Variants in ZFHX2 observed in about 807,000 individuals in gnomAD.
The protein encoded by ZFHX2 is zinc finger homeobox protein 2.
In ZFHX2, 75 loss-of-function variants were observed where a neutral mutation model predicts 164.8. That is an observed-to-expected ratio of 0.46 (90% confidence interval 0.38 to 0.55). The LOEUF (loss-of-function observed/expected upper bound fraction) is 0.55, where lower values mean the gene tolerates loss of function less well. Ranked by LOEUF, ZFHX2 falls within the 20% of genes least tolerant of loss-of-function variation. ZFHX2 has a pLI of 0.00. For missense variants in ZFHX2, 2,933 were observed against 3,308.0 expected (o/e 0.89, Z 2.78); for synonymous variants, 1,217 against 1,351.4 (o/e 0.90, Z 2.18).
intron 6 of ZFHX2, chr14:23,528,635 G>T (rs1879101503): frequency 2.0e-6 from 2 of 985,404 alleles, no homozygotes; most frequent in Non-Finnish European, 2.4e-6. Flanking sequence ...CTACCTGTCT[G>T]CTCAGAAGCC....
chr14:23,547,805 T>C lies in ZFHX2; in HGVS notation c.-50+3538A>G, dbSNP rs576472444. On this transcript the variant is annotated intron_variant, in intron 1 of 9. Transcript: ENST00000419474. ...TAATTCAACGTTTGATCAGTAGATA[T>C]TTATTAAGCCTTTTCTGTGTGACAG... Among the ~76,000 whole-genome samples the C allele has an allele frequency of 9.2e-5, 14 of 152,322 alleles. No individual in the cohort carries two copies. The South Asian group carries it at 2.7e-3, about 29-fold the overall frequency.
intron 1 of ZFHX2, among the ~76,000 whole-genome samples, chr14:23,541,900 A>G (rs1188539074): frequency 6.6e-6 from 1 of 152,128 alleles, no homozygotes; most frequent in Non-Finnish European, 1.5e-5. Flanking sequence ...AATTCTACCT[A>G]TCTCTTCTAG....
intron 1 of ZFHX2, among the ~76,000 whole-genome samples, chr14:23,538,898 A>G (rs1341997717): frequency 6.6e-6 from 1 of 152,176 alleles, no homozygotes; most frequent in Non-Finnish European, 1.5e-5. Context: ...GGGGCGCCAC[A>G]GACGGCAGAA....
Position 23,522,769 on chromosome 14 carries a change from G to C in ZFHX2, c.6912C>G (p.Pro2304=). 6.5e-7 allele frequency: 1 copy of C among 1,536,460 alleles called. No individual in the cohort carries two copies. ...GCTCACTGGAGACCTTGTCCCCCAA[G>C]GGCTCAGTAGGAGGGCCTGGGACAG... ...TDPVPGPPTE[P]LGDKVSSERK... is the part of the protein sequence containing the mutation. Residue 2304 remains proline (P), a synonymous_variant, in exon 10 of 10, where the codon CCC becomes CCG. Coordinates refer to ENST00000419474, the MANE Select transcript of ZFHX2 (RefSeq NM_033400.3).
intron 8 of ZFHX2, 46 bp downstream of exon 8, chr14:23,526,801 G>A (rs762771026): frequency 1.3e-6 from 2 of 1,523,682 alleles, no homozygotes; most frequent in South Asian, 2.4e-5. Context: ...GGCCCATGGA[G>A]TCCCCTTTCC....
At chr14:23,548,728 C>T (rs1881645505) in intron 1 of ZFHX2, among the ~76,000 whole-genome samples, 2 of 152,198 alleles carry the variant, frequency 1.3e-5, no homozygotes, top group South Asian at 4.1e-4. Context: ...GGTTCTCTCT[C>T]TCTCTGTCTC....
upstream of ZFHX2, chr14:23,555,693 C>T (rs1043352871): frequency 6.6e-6 from 1 of 151,106 alleles, no homozygotes; most frequent in African/African-American, 2.4e-5. Context: ...TCCCCCCACC[C>T]CAACCCCCCT....
At position 23,522,810 on chromosome 14, in the gene ZFHX2, C is replaced by CT; in HGVS notation, c.6870dup (p.Ala2291SerfsTer5). The CT allele has an allele frequency of 6.5e-7, 1 of 1,535,982 alleles. No individual in the cohort carries two copies. The highest frequency in any genetic ancestry group is 8.7e-7 in the Non-Finnish European group (1 of 1,146,676). ...CCTGGGACAGGGTCAGTGGTGCCTG[C>CT]TGTGGAGGTGTTGGTTTGGTCGGGC... On this transcript the variant is annotated frameshift_variant, in exon 10 of 10. Coordinates refer to ENST00000419474, the MANE Select transcript of ZFHX2 (RefSeq NM_033400.3). LOFTEE classifies it high-confidence loss of function.
rs748567889 is a variant in ZFHX2 at position 23,534,352 on chromosome 14, G to A, written c.974C>T (p.Pro325Leu). 6 of 1,536,664 alleles carry A rather than the reference G, an allele frequency of 3.9e-6. No individual in the cohort carries two copies. In the South Asian group the frequency reaches 5.9e-5, roughly 15 times the overall value. Residue 325 changes from proline (P) to leucine (L), a missense_variant, in exon 2 of 10, where the codon CCC (proline) becomes CTC (leucine). Pro to Leu is a moderately conservative substitution (Grantham distance 98). Transcript: ENST00000419474. This position sits in a 1 kb window ranked among gnomAD's most constrained non-coding sequence, Gnocchi z 4.5. ...AAGGGCCTGGACTTCTGCCTCAGGG[G>A]GGCCATCCTCTGTCTGGGCCACATT... ...EANVAQTEDGPPEAEVQALIL... is the reference protein window; with the variant it reads ...EANVAQTEDGLPEAEVQALIL...
At chr14:23,530,309 C>T in intron 4 of ZFHX2, 115 bp from the exon 5 acceptor site, 2 of 807,784 alleles carry the variant, frequency 2.5e-6, no homozygotes, top group South Asian at 1.5e-5. Flanking sequence ...ATGGATGGCT[C>T]AATCAGCAGG....
Position 23,534,270 on chromosome 14 carries a change from G to T in ZFHX2, c.1056C>A (p.Thr352=). ...TGGCTTGGGTTGGGCTGGGGTCCCA[G>T]GTGGCTGTGGGTGGAGAGGGTGGGC... ...ALSPPSPPTA[T]WDPSPTQAKE... Residue 352 remains threonine (T), a synonymous_variant, in exon 2 of 10, where the codon ACC becomes ACA. Transcript: ENST00000419474. This position sits in a 1 kb window ranked among gnomAD's most constrained non-coding sequence, Gnocchi z 4.5. 3 of 1,530,762 alleles carry T rather than the reference G, an allele frequency of 2.0e-6. No individual in the cohort carries two copies. In the South Asian group the frequency reaches 3.6e-5, roughly 18 times the overall value. 94.8% of individuals were successfully genotyped at this position (1,530,762 alleles called of 1,614,324 possible). A position where few individuals can be genotyped will look rare whatever the true frequency, so the allele number is the denominator to read the frequency against.
At chr14:23,552,280 G>C (rs1046272558), upstream of ZFHX2, among the ~76,000 whole-genome samples, 4 of 149,972 alleles carry the variant, frequency 2.7e-5, no homozygotes, top group Non-Finnish European at 4.4e-5. Flanking sequence ...CTTATTAAGT[G>C]CTCCTGAATT....
At chr14:23,531,860 C>T (rs1879601619) in intron 3 of ZFHX2, 139 bp from the exon 4 acceptor site, 1 of 1,135,730 alleles carries the variant, frequency 8.8e-7, no homozygotes. Flanking sequence ...TCACTGAAGC[C>T]TCTACCTCCT....
chr14:23,529,093 G>A (rs1373279252), intron 6 of ZFHX2, among the ~76,000 whole-genome samples: 1 of 152,240 alleles, frequency 6.6e-6, no homozygotes. Context: ...GTTACATATT[G>A]TAGTCCAGTT....
chr14:23,521,911 TAAA>T lies in ZFHX2; in HGVS notation c.*48_*50del, dbSNP rs1362988602. ...AGCTCCCACCGAACACCCCTTGGGG[TAAA>T]AGAGGGAGCCCTGAGGCCCTCCCCT... On this transcript the variant is annotated 3_prime_UTR_variant, in exon 10 of 10. Transcript: ENST00000419474. 4.2e-5 allele frequency: 64 copies of T among 1,531,324 alleles called. No individual in the cohort carries two copies. The highest frequency in any genetic ancestry group is 5.2e-5 in the Non-Finnish European group (60 of 1,145,250). 94.9% of individuals were successfully genotyped at this position (1,531,324 alleles called of 1,614,324 possible). A position where few individuals can be genotyped will look rare whatever the true frequency, so the allele number is the denominator to read the frequency against.
In ZFHX2 at chr14:23,534,142, G is replaced by T. The variant is rs1020121125; in HGVS notation, c.1184C>A (p.Thr395Asn). 1.1e-5 allele frequency: 16 copies of T among 1,475,126 alleles called. No individual in the cohort carries two copies. In the Admixed American group the frequency reaches 2.3e-4, roughly 21 times the overall value. 91.4% of individuals were successfully genotyped at this position (1,475,126 alleles called of 1,614,324 possible). ...LCPPLNQSSP[T>N]SKEGGTLPAP... is the part of the protein sequence containing the mutation. ...AGGGAGAGTGCCCCCCTCCTTGGAG[G>T]TGGGTGAGCTTTGGTTGAGTGGGGG... is the stretch of plus-strand genomic sequence containing the variant. The change falls in exon 2 of 10, where the codon ACC becomes AAC. Residue 395 changes from threonine to asparagine, a missense_variant. By Grantham distance (65) the Thr-to-Asn change is moderately conservative. Transcript: ENST00000419474. This position sits in a 1 kb window ranked among gnomAD's most constrained non-coding sequence, Gnocchi z 4.5.
chr14:23,554,689 A>G (rs1882214594), upstream of ZFHX2, among the ~76,000 whole-genome samples: 1 of 151,934 alleles, frequency 6.6e-6, no homozygotes, highest in Non-Finnish European at 1.5e-5. Context: ...CACCTGGCCA[A>G]AATGCCATGT....
upstream of ZFHX2, among the ~76,000 whole-genome samples, chr14:23,552,063 C>T (rs551572775): frequency 3.9e-5 from 6 of 152,254 alleles, no homozygotes; most frequent in Non-Finnish European, 8.8e-5. Context: ...AGCCCTGAGC[C>T]GCCCAAGGCC....
In ZFHX2 at chr14:23,525,002, C is replaced by T. The variant is rs562030920; in HGVS notation, c.4940G>A (p.Arg1647His). ...ACAGGCATTTTTGCGTGCTTTCTGG[C>T]GGGCATTCTGGAACCACACCACCAC... ...RVVVVWFQNA[R>H]QKARKNACEG... The change falls in exon 9 of 10, where the codon CGC (arginine) becomes CAC (histidine). Residue 1647 changes from arginine to histidine, a missense_variant. By Grantham distance (29) the Arg-to-His change is conservative. Coordinates refer to ENST00000419474, the MANE Select transcript of ZFHX2 (RefSeq NM_033400.3). This position sits in a 1 kb window ranked among gnomAD's most constrained non-coding sequence, Gnocchi z 5.9. 32 of 1,536,032 alleles carry T rather than the reference C, an allele frequency of 2.1e-5. No individual in the cohort carries two copies. Among genetic ancestry groups the T allele is most frequent in the Middle Eastern group, 1.7e-4 (1 of 6,012 alleles).
Sources: gnomAD v4.1 joint callset for allele counts (sites outside exome capture counted in the v4.1 genomes callset) on GRCh38, gnomAD v4.1.1 for gene constraint, Gnocchi (gnomAD v3.1) non-coding constraint, MANE v1.5 for transcripts, NCBI Gene and HGNC (gene_info 2026-07-23, HGNC 2026-07-21) for gene names.